Variants in GLI3 observed in about 807,000 individuals in gnomAD.
GLI3 encodes GLI family zinc finger 3, also known as transcription activator GLI3.
Under a neutral mutation model 100.8 loss-of-function variants are expected in GLI3, and 20 were observed. The ratio of observed to expected loss-of-function variants is 0.20; its 90% CI spans 0.14 to 0.29. GLI3 has a LOEUF of 0.29. GLI3 is among the 10% of genes least tolerant of loss of function. The pLI is 1.00. For synonymous variants in GLI3, 938 were observed against 860.5 expected, an observed-to-expected ratio of 1.09 and a Z score of -1.58; for missense variants, 2,040 against 2,128.5, an observed-to-expected ratio of 0.96 and a Z score of 0.82.
intron 2 of GLI3, among the ~76,000 whole-genome samples, chr7:42,171,075 T>C (rs1305576440): frequency 1.3e-5 from 2 of 152,226 alleles, no homozygotes; most frequent in Admixed American, 6.5e-5. Flanking sequence ...TCTGACTCTA[T>C]ACAGCTCTAG....
At chr7:42,138,944 C>T (rs1583590914) in intron 3 of GLI3, among the ~76,000 whole-genome samples, 1 of 152,192 alleles carries the variant, frequency 6.6e-6, no homozygotes, top group African/African-American at 2.4e-5. Flanking sequence ...GGGTCCCATC[C>T]TCTCCCCTGA....
chr7:42,242,798 AT>A (rs1788938878), upstream of GLI3, among the ~76,000 whole-genome samples: 1 of 152,076 alleles, frequency 6.6e-6, no homozygotes, highest in Non-Finnish European at 1.5e-5. Context: ...TTGTGAATTT[AT>A]TTTTTTCCAA....
chr7:42,227,963 C>G (rs1224547979), intron 1 of GLI3, among the ~76,000 whole-genome samples: 1 of 152,198 alleles, frequency 6.6e-6, no homozygotes, highest in Non-Finnish European at 1.5e-5. Flanking sequence ...TTTCTCTGCG[C>G]TTTCCTGTCG....
intron 10 of GLI3, among the ~76,000 whole-genome samples, chr7:41,983,699 G>C (rs1282052881): frequency 6.6e-6 from 1 of 152,164 alleles, no homozygotes; most frequent in African/African-American, 2.4e-5. Context: ...TTACAATGTG[G>C]CATGCCAACT....
intron 2 of GLI3, among the ~76,000 whole-genome samples, chr7:42,183,341 G>A (rs1787655022): frequency 6.6e-6 from 1 of 152,194 alleles, no homozygotes. Flanking sequence ...CAAGCAAACA[G>A]CACAAGGACA....
chr7:42,141,376 G>A (rs888665635), intron 3 of GLI3, among the ~76,000 whole-genome samples: 2 of 152,052 alleles, frequency 1.3e-5, no homozygotes, highest in African/African-American at 2.4e-5. Context: ...CCAAAGAATC[G>A]AAGTCCCTGC....
chr7:42,033,071 C>T (rs1207528612), intron 7 of GLI3, among the ~76,000 whole-genome samples: 2 of 152,180 alleles, frequency 1.3e-5, no homozygotes, highest in African/African-American at 4.8e-5. Flanking sequence ...TCTCTGAAAT[C>T]TCTCAATGAC....
chr7:42,060,914 T>G (rs767005302), intron 4 of GLI3, among the ~76,000 whole-genome samples: 2 of 152,182 alleles, frequency 1.3e-5, no homozygotes, highest in Non-Finnish European at 2.9e-5. Context: ...ATAATACACA[T>G]CAAGTGTAAG....
chr7:41,972,275 C>T lies in GLI3; in HGVS notation c.2103+62G>A. ...GACCGGGAAGTCCTGTCCCTCTATG[C>T]ACCCTACCTGGCTCTTTTAAATGGG... On this transcript the variant is annotated intron_variant, in intron 13 of 14. Coordinates refer to ENST00000395925, the MANE Select transcript of GLI3 (RefSeq NM_000168.6). This position sits in a 1 kb window ranked among gnomAD's most constrained non-coding sequence, Gnocchi z 4.4. 2.7e-6 allele frequency: 4 copies of T among 1,492,212 alleles called. No homozygotes were observed. The highest frequency in any genetic ancestry group is 2.8e-6 in the Non-Finnish European group (3 of 1,070,398). 92.4% of individuals were successfully genotyped at this position (1,492,212 alleles called of 1,614,324 possible).
rs1480518255 is a variant in GLI3, at chr7:41,964,453, C to T, written c.4620G>A (p.Thr1540=). The T allele has an allele frequency of 7.4e-6, 12 of 1,614,142 alleles. No individual in the cohort carries two copies. Among genetic ancestry groups the T allele is most frequent in the Non-Finnish European group, 1.0e-5 (12 of 1,179,992 alleles). The part of the protein sequence containing the change: ...NLSHSSSRLT[T]PRASLPFPAL... ...CTGGGAATGGGAGGGACGCCCGAGG[C>T]GTGGTGAGGCGGGAGGAGCTATGGG... Residue 1540 remains threonine (T), a synonymous_variant, in exon 15 of 15, where the codon ACG becomes ACA. Transcript: ENST00000395925.
intron 2 of GLI3, among the ~76,000 whole-genome samples, chr7:42,170,591 A>G (rs1484345589): frequency 6.6e-6 from 1 of 151,628 alleles, no homozygotes; most frequent in East Asian, 2.0e-4. Context: ...TGTAATAGGG[A>G]CGAGGTTTCA....
chr7:41,978,496 G>T, intron 11 of GLI3, 103 bp downstream of exon 11: 1 of 1,121,656 alleles, frequency 8.9e-7, no homozygotes, highest in Non-Finnish European at 1.4e-6. Flanking sequence ...CTCTTCTCTT[G>T]CCACCCAACC....
rs181895537 is a variant in GLI3, at chr7:42,245,320, G to A, written c.-43+18674C>T. On this transcript the variant is annotated intron_variant, in intron 1 of 2. Transcript: ENST00000678978. ...AATCACAGTAAATTTTACTTTTGCC[G>A]CTTCTCAGTCATATATTTTTGGGCA... Among the ~76,000 whole-genome samples the A allele has an allele frequency of 2.2e-4, 33 of 152,178 alleles. No homozygotes were observed. In the South Asian group the frequency reaches 5.6e-3, roughly 26 times the overall value.
intron 4 of GLI3, among the ~76,000 whole-genome samples, chr7:42,071,837 T>TA (rs1784789668): frequency 1.3e-5 from 2 of 152,158 alleles, no homozygotes; most frequent in Non-Finnish European, 2.9e-5. Context: ...ACAGCTGATA[T>TA]TAATGATCTT....
intron 3 of GLI3, among the ~76,000 whole-genome samples, chr7:42,133,506 C>T (rs1000076327): frequency 3.3e-5 from 5 of 152,116 alleles, no homozygotes; most frequent in African/African-American, 9.7e-5. Flanking sequence ...ATTCACAGAA[C>T]AGGAGGGCTG....
chr7:42,042,557 A>T (rs1784167622), intron 6 of GLI3, among the ~76,000 whole-genome samples: 1 of 152,232 alleles, frequency 6.6e-6, no homozygotes, highest in Non-Finnish European at 1.5e-5. Flanking sequence ...TAGAAGTGAC[A>T]GCACATGCTA....
At chr7:42,146,915 G>A (rs552888688) in intron 3 of GLI3, among the ~76,000 whole-genome samples, 4 of 152,252 alleles carry the variant, frequency 2.6e-5, no homozygotes, top group Admixed American at 6.5e-5. Context: ...AAGCCCAATA[G>A]CCTTCCTCCT....
chr7:42,204,181 T>C lies in GLI3; in HGVS notation c.124+18949A>G, dbSNP rs113173866. Among the ~76,000 whole-genome samples the C allele has an allele frequency of 2.3e-3, 345 of 152,144 alleles. 1 individual carries two copies. Among genetic ancestry groups the C allele is most frequent in the African/African-American group, 8.0e-3 (331 of 41,502 alleles). On this transcript the variant is annotated intron_variant, in intron 2 of 14. Transcript: ENST00000395925. ...CATCGCCTTCATGGGCCTCCACCAA[T>C]AGGACTCATATACCTCTCCATTCAC...
intron 4 of GLI3, among the ~76,000 whole-genome samples, chr7:42,067,509 C>T (rs1388406394): frequency 6.6e-6 from 1 of 152,204 alleles, no homozygotes; most frequent in Non-Finnish European, 1.5e-5. Flanking sequence ...TTATGGTGAA[C>T]TTGGCAATAT....
Sources: allele counts gnomAD v4.1 joint callset (sites outside exome capture counted in the v4.1 genomes callset), GRCh38; gene constraint gnomAD v4.1.1; non-coding constraint Gnocchi (gnomAD v3.1); transcripts MANE v1.5; gene names NCBI Gene and HGNC (gene_info 2026-07-23, HGNC 2026-07-21).